Variants in CYP2J2 observed in about 807,000 individuals in gnomAD.
CYP2J2 encodes the protein cytochrome P450 family 2 subfamily J member 2.
In CYP2J2, 41 loss-of-function variants were observed where a neutral mutation model predicts 48.8. That is an observed-to-expected ratio of 0.84 (90% CI 0.66 to 1.09). CYP2J2 has a LOEUF of 1.09. CYP2J2 is among the 50% of genes least tolerant of loss of function. CYP2J2 has a pLI of 0.00. For missense variants in CYP2J2, 644 were observed against 617.3 expected (o/e 1.04, Z -0.46); for synonymous variants, 221 against 227.1 (o/e 0.97, Z 0.24).
At chr1:59,914,834 G>A (rs1304786928) in intron 2 of CYP2J2, among the ~76,000 whole-genome samples, 2 of 152,218 alleles carry the variant, frequency 1.3e-5, no homozygotes, top group African/African-American at 4.8e-5. Context: ...AAAGCCTCTT[G>A]CAGTTGAGAT....
chr1:59,893,628 T>C lies in CYP2J2; in HGVS notation c.*23A>G, dbSNP rs1162257441. On this transcript the variant is annotated 3_prime_UTR_variant, in exon 9 of 9. Transcript: ENST00000371204. Reference sequence around the variant, plus strand: ...ACGTGCCATGTCTTCTTACTTTCCTTGCCCCTTTCTTTCTTAACAATATTA... The same window carrying C: ...ACGTGCCATGTCTTCTTACTTTCCTCGCCCCTTTCTTTCTTAACAATATTA... The C allele has an allele frequency of 2.6e-6, 4 of 1,556,930 alleles. No individual in the cohort carries two copies. Among genetic ancestry groups the C allele is most frequent in the Non-Finnish European group, 2.6e-6 (3 of 1,147,092 alleles).
intron 4 of CYP2J2, 25 bp downstream of exon 4, chr1:59,911,583 A>T (rs780380862): frequency 3.3e-6 from 5 of 1,518,656 alleles, no homozygotes; most frequent in Non-Finnish European, 4.4e-6. Context: ...TACTGAACAA[A>T]GATATGGAGA....
chr1:59,939,853 A>G, the CYP2J2 span, among the ~76,000 whole-genome samples: 3 of 152,116 alleles, frequency 2.0e-5, no homozygotes, highest in African/African-American at 7.2e-5. Flanking sequence ...TCCCATGGCC[A>G]CCGCCACCAC....
intron 4 of CYP2J2, 42 bp from the exon 5 acceptor site, chr1:59,910,002 C>A: frequency 1.4e-6 from 2 of 1,476,504 alleles, no homozygotes; most frequent in South Asian, 2.5e-5. Flanking sequence ...TAACATGGTG[C>A]CATTTTTTTC....
At chr1:59,955,175 A>T in the CYP2J2 span, among the ~76,000 whole-genome samples, 6 of 149,378 alleles carry the variant, frequency 4.0e-5, no homozygotes, top group East Asian at 9.7e-4. Context: ...ATAAATAATT[A>T]AAAAAATAAA....
At chr1:59,965,807 G>A in the CYP2J2 span, among the ~76,000 whole-genome samples, 4 of 151,904 alleles carry the variant, frequency 2.6e-5, no homozygotes, top group African/African-American at 4.8e-5. Context: ...ACCCCCCACC[G>A]TGCCCAGCTA....
At chr1:59,908,025 G>T in intron 5 of CYP2J2, 98 bp from the exon 6 acceptor site, 2 of 1,212,426 alleles carry the variant, frequency 1.6e-6, no homozygotes, top group Non-Finnish European at 2.4e-6. Flanking sequence ...ACATTTGGAA[G>T]AAAAGGTCCC....
intron 5 of CYP2J2, 67 bp downstream of exon 5, chr1:59,909,717 G>A: frequency 8.3e-7 from 1 of 1,207,284 alleles, no homozygotes; most frequent in Non-Finnish European, 1.2e-6. Flanking sequence ...TACAGCAGCA[G>A]TTGGAAACTA....
chr1:59,895,392 G>T (rs979774479), intron 8 of CYP2J2, among the ~76,000 whole-genome samples: 3 of 152,242 alleles, frequency 2.0e-5, no homozygotes, highest in Non-Finnish European at 4.4e-5. Context: ...TTTCCATTTT[G>T]GGTAGGAATA....
At chr1:59,946,068 TCATGCCATTC>T in the CYP2J2 span, among the ~76,000 whole-genome samples, 1 of 152,178 alleles carries the variant, frequency 6.6e-6, no homozygotes, top group Non-Finnish European at 1.5e-5. Flanking sequence ...CAAAATCAGA[TCATGCCATTC>T]CATTGCTAAA....
At chr1:59,968,997 C>G in the CYP2J2 span, among the ~76,000 whole-genome samples, 1 of 151,928 alleles carries the variant, frequency 6.6e-6, no homozygotes, top group Non-Finnish European at 1.5e-5. Flanking sequence ...AGACTTTCGC[C>G]GTGAGTGTTA....
upstream of CYP2J2, among the ~76,000 whole-genome samples, chr1:59,930,752 A>T (rs1197729477): frequency 1.3e-5 from 2 of 152,072 alleles, no homozygotes; most frequent in Admixed American, 6.6e-5. Flanking sequence ...GAAGGAAAAA[A>T]CAGCTATCTC....
chr1:59,939,133 G>A, the CYP2J2 span, among the ~76,000 whole-genome samples: 11 of 152,182 alleles, frequency 7.2e-5, no homozygotes, highest in Non-Finnish European at 1.5e-4. Context: ...CACAGACACA[G>A]TAACAGTCTG....
At chr1:59,950,844 C>T in the CYP2J2 span, among the ~76,000 whole-genome samples, 1 of 152,170 alleles carries the variant, frequency 6.6e-6, no homozygotes, top group Non-Finnish European at 1.5e-5. Flanking sequence ...TCCCTTCTGT[C>T]CGCATGGTCT....
chr1:59,969,164 CAGAG>C, the CYP2J2 span, among the ~76,000 whole-genome samples: 1 of 152,210 alleles, frequency 6.6e-6, no homozygotes, highest in Non-Finnish European at 1.5e-5. Context: ...TTATTGCAAA[CAGAG>C]AAAGAACAAA....
At chr1:59,947,081 C>T in the CYP2J2 span, among the ~76,000 whole-genome samples, 2 of 152,272 alleles carry the variant, frequency 1.3e-5, no homozygotes, top group Middle Eastern at 3.4e-3. Context: ...CAGACTCATG[C>T]AGTCTCCTGA....
the CYP2J2 span, among the ~76,000 whole-genome samples, chr1:59,953,573 T>C: frequency 6.6e-6 from 1 of 152,032 alleles, no homozygotes; most frequent in Non-Finnish European, 1.5e-5. Context: ...TGCATGCTTT[T>C]AAGTTAGACA....
the CYP2J2 span, among the ~76,000 whole-genome samples, chr1:59,936,619 C>T: frequency 3.0e-4 from 45 of 152,170 alleles, no homozygotes; most frequent in Non-Finnish European, 3.8e-4. Context: ...GTCCTACTTC[C>T]TCCAGGACAT....
intron 1 of CYP2J2, among the ~76,000 whole-genome samples, chr1:59,921,990 C>A (rs577709227): frequency 3.8e-4 from 58 of 152,306 alleles, no homozygotes; most frequent in African/African-American, 1.4e-3. Context: ...CACTAACCTA[C>A]CCCCATCCTC....
Sources: allele counts gnomAD v4.1 joint callset (sites outside exome capture counted in the v4.1 genomes callset), GRCh38; gene constraint gnomAD v4.1.1; transcripts MANE v1.5; gene names NCBI Gene and HGNC (gene_info 2026-07-23, HGNC 2026-07-21).